SLC9A2: variants seen among roughly 807,000 people sequenced by gnomAD.
The protein encoded by SLC9A2 is solute carrier family 9 member A2, also known as sodium/hydrogen exchanger 2.
In SLC9A2, 42 loss-of-function variants were observed where a neutral mutation model predicts 71.7. The observed-to-expected ratio is 0.59, with a 90% CI of 0.46 to 0.76. The LOEUF is 0.76. Ranked by LOEUF, SLC9A2 falls within the 30% of genes least tolerant of loss-of-function variation. The probability of loss-of-function intolerance (pLI) is 0.00; values close to 1 mark genes in which losing one functional copy is unlikely to be tolerated. For missense variants in SLC9A2, 829 were observed against 1,017.4 expected, an observed-to-expected ratio of 0.81 and a Z score of 2.52; for synonymous variants, 396 against 392.5, an observed-to-expected ratio of 1.01 and a Z score of -0.10.
chr2:102,706,912 C>T (rs909917565), intron 11 of SLC9A2, among the ~76,000 whole-genome samples: 3 of 152,124 alleles, frequency 2.0e-5, no homozygotes, highest in Non-Finnish European at 4.4e-5. Context: ...GACACCGAAG[C>T]CATTGTCTGT....
intron 11 of SLC9A2, among the ~76,000 whole-genome samples, chr2:102,707,268 A>G (rs1243988769): frequency 6.6e-6 from 1 of 150,642 alleles, no homozygotes; most frequent in Non-Finnish European, 1.5e-5. Context: ...TTTTCTTTAA[A>G]TGTGGGATGG....
intron 10 of SLC9A2, among the ~76,000 whole-genome samples, chr2:102,705,184 T>A (rs1013413495): frequency 3.9e-5 from 6 of 152,096 alleles, no homozygotes; most frequent in Admixed American, 3.9e-4. Context: ...CCAGCCTGGA[T>A]GACAGAGCGA....
rs1339708107 is a variant in SLC9A2, at chr2:102,665,051, T to C, written c.754-49T>C. 2.5e-6 allele frequency: 4 copies of C among 1,573,860 alleles called. No individual in the cohort carries two copies. In the African/African-American group the frequency reaches 4.1e-5, roughly 16 times the overall value. The stretch of plus-strand genomic sequence containing the variant: ...GATGTGTTTGTGCCCAGAGTGACAA[T>C]GGGGAAATGGGAAAGGGTCTTGACA... On this transcript the variant is annotated intron_variant, in intron 2 of 11. Transcript: ENST00000233969.
intron 1 of SLC9A2, among the ~76,000 whole-genome samples, chr2:102,629,227 A>C (rs1468175566): frequency 6.6e-6 from 1 of 152,104 alleles, no homozygotes; most frequent in African/African-American, 2.4e-5. Flanking sequence ...GTTATTACAT[A>C]CTCATTCAAT....
chr2:102,695,781 T>TAAA (rs1553429155), intron 7 of SLC9A2, among the ~76,000 whole-genome samples: 5 of 15,498 alleles, frequency 3.2e-4, no homozygotes, highest in African/African-American at 6.2e-4. Flanking sequence ...ATATATATTA[T>TAAA]ATATATATTA....
At chr2:102,659,968 C>G (rs185174089) in intron 2 of SLC9A2, among the ~76,000 whole-genome samples, 1 of 152,288 alleles carries the variant, frequency 6.6e-6, no homozygotes, top group African/African-American at 2.4e-5. Context: ...GAGTCAAATT[C>G]ATTTCAGAAT....
chr2:102,708,061 T>C lies in SLC9A2; in HGVS notation c.2069-58T>C, dbSNP rs1392231448. 9 of 1,555,270 alleles carry C rather than the reference T, an allele frequency of 5.8e-6. No homozygotes were observed. The East Asian group carries it at 1.8e-4, about 31-fold the overall frequency. On this transcript the variant is annotated intron_variant, in intron 11 of 11. Transcript: ENST00000233969. ...GCCTGACTCACTAAGGTACTGAAGT[T>C]ACTTGCAATGCCTTCTCTCTAAAAT...
At chr2:102,661,128 A>G (rs1203885062) in intron 2 of SLC9A2, among the ~76,000 whole-genome samples, 1 of 152,230 alleles carries the variant, frequency 6.6e-6, no homozygotes, top group Non-Finnish European at 1.5e-5. Flanking sequence ...ATTTTTAAAT[A>G]GGATTGTGGT....
chr2:102,701,224 T>A lies in SLC9A2; in HGVS notation c.1741T>A (p.Ser581Thr). Residue 581 changes from serine to threonine, a missense_variant, in exon 8 of 12, where the codon TCT becomes ACT. Ser to Thr is a moderately conservative substitution (Grantham distance 58). Around this residue, in one of 3 missense-constraint regions of SLC9A2, gnomAD observed 500 missense variants for 726.3 expected, o/e 0.69. Transcript: ENST00000233969. ...GMISTVPTFA[S>T]LNDCREEKIR... Reference sequence around the variant, plus strand: ...GATAAGTACTGTCCCTACATTTGCATCTCTAAAGTAAGTATGGTCTTGCAA... The same window carrying A: ...GATAAGTACTGTCCCTACATTTGCAACTCTAAAGTAAGTATGGTCTTGCAA... 1 of 1,594,872 alleles carries A rather than the reference T, an allele frequency of 6.3e-7. No homozygotes were observed. Among genetic ancestry groups the A allele is most frequent in the Non-Finnish European group, 8.5e-7 (1 of 1,173,870 alleles).
At position 102,708,192 on chromosome 2, in the gene SLC9A2, C is replaced by T; in HGVS notation, c.2142C>T (p.Phe714=). 2 of 1,614,164 alleles carry T rather than the reference C, an allele frequency of 1.2e-6. No homozygotes were observed. The highest frequency in any genetic ancestry group is 1.7e-6 in the Non-Finnish European group (2 of 1,180,036). The change falls in exon 12 of 12, where the codon TTC becomes TTT. Residue 714 remains phenylalanine (F), a synonymous_variant. Coordinates refer to ENST00000233969, the MANE Select transcript of SLC9A2 (RefSeq NM_003048.6). ...ATTTGCAGCCCAGAGCCAGGCGCTT[C>T]TTGCCAGAACAGTTCTCCAAGAAAT... ...VLNLQPRARR[F]LPEQFSKKSP... is the part of the protein sequence containing the mutation.
chr2:102,693,040 G>C (rs1368054165), intron 5 of SLC9A2, among the ~76,000 whole-genome samples: 1 of 150,482 alleles, frequency 6.6e-6, no homozygotes, highest in African/African-American at 2.4e-5. Flanking sequence ...TTAGATACTA[G>C]TATATACTAG....
intron 3 of SLC9A2, among the ~76,000 whole-genome samples, chr2:102,680,047 A>T (rs916606014): frequency 3.3e-5 from 5 of 151,838 alleles, no homozygotes; most frequent in Non-Finnish European, 7.4e-5. Context: ...TCTATAAGTT[A>T]AAGTGCTTTA....
At chr2:102,704,449 A>T in intron 9 of SLC9A2, 95 bp from the exon 10 acceptor site, 1 of 1,230,818 alleles carries the variant, frequency 8.1e-7, no homozygotes, top group Non-Finnish European at 1.2e-6. Context: ...TGAGGTGCAG[A>T]TCCAAAGAAA....
chr2:102,693,200 T>C (rs958607196), intron 5 of SLC9A2, among the ~76,000 whole-genome samples: 1 of 152,184 alleles, frequency 6.6e-6, no homozygotes, highest in Admixed American at 6.5e-5. Context: ...CCAAATTTTC[T>C]TGTTATTTTT....
chr2:102,642,157 T>A (rs1005485041), intron 1 of SLC9A2, among the ~76,000 whole-genome samples: 6 of 152,212 alleles, frequency 3.9e-5, no homozygotes, highest in African/African-American at 1.4e-4. Context: ...TGTAATGATT[T>A]TCCCATAATG....
intron 3 of SLC9A2, among the ~76,000 whole-genome samples, chr2:102,677,473 T>C (rs1220050096): frequency 6.6e-6 from 1 of 152,180 alleles, no homozygotes; most frequent in Non-Finnish European, 1.5e-5. Flanking sequence ...ACATTTATGT[T>C]AAAGTGGGGC....
chr2:102,693,599 T>C (rs1677702806), intron 5 of SLC9A2, among the ~76,000 whole-genome samples: 1 of 152,326 alleles, frequency 6.6e-6, no homozygotes, highest in African/African-American at 2.4e-5. Flanking sequence ...CCCCTCTCAC[T>C]GCGGTGCTTT....
At chr2:102,670,497 A>G (rs1677225952) in intron 3 of SLC9A2, among the ~76,000 whole-genome samples, 1 of 151,324 alleles carries the variant, frequency 6.6e-6, no homozygotes, top group South Asian at 2.1e-4. Context: ...GCCCAGATGG[A>G]CAAAACATGG....
intron 2 of SLC9A2, among the ~76,000 whole-genome samples, chr2:102,658,867 AT>A (rs1573412206): frequency 6.6e-6 from 1 of 152,108 alleles, no homozygotes; most frequent in East Asian, 1.9e-4. Context: ...CAATTGATAA[AT>A]CAGTTAGGGA....
Sources: allele counts gnomAD v4.1 joint callset (sites outside exome capture counted in the v4.1 genomes callset), GRCh38; gene constraint gnomAD v4.1.1; regional missense constraint gnomAD v4.1.1; transcripts MANE v1.5; gene names NCBI Gene and HGNC (gene_info 2026-07-23, HGNC 2026-07-21).